Variants in SCN1A observed in about 807,000 individuals in gnomAD.
SCN1A encodes sodium voltage-gated channel alpha subunit 1.
SCN1A carries 13 observed loss-of-function variants against 193.7 expected under a neutral mutation model. The ratio of observed to expected loss-of-function variants is 0.07; its 90% CI spans 0.04 to 0.11. SCN1A has a LOEUF of 0.11. Among genes scored for constraint, SCN1A ranks in the 10% least tolerant of loss-of-function variants. The probability of loss-of-function intolerance (pLI) is 1.00; values close to 1 mark genes in which losing one functional copy is unlikely to be tolerated. For synonymous variants in SCN1A, 781 were observed against 843.6 expected (o/e 0.93, Z 1.29); for missense variants, 1,432 against 2,451.1 (o/e 0.58, Z 8.78).
chr2:166,120,156 T>TA (rs1379565434), intron 2 of SCN1A, among the ~76,000 whole-genome samples: 1 of 142,756 alleles, frequency 7.0e-6, no homozygotes, highest in Non-Finnish European at 1.6e-5. Context: ...ATATTCTATT[T>TA]AAATTTTTTT....
intron 19 of SCN1A, among the ~76,000 whole-genome samples, chr2:166,030,079 AC>A (rs1695350402): frequency 6.6e-6 from 1 of 152,212 alleles, no homozygotes; most frequent in African/African-American, 2.4e-5. Context: ...TGACACCTGT[AC>A]CTAGTTCTTC....
chr2:166,012,664 G>A (rs1692684031), intron 21 of SCN1A, among the ~76,000 whole-genome samples: 1 of 117,584 alleles, frequency 8.5e-6, no homozygotes, highest in Non-Finnish European at 1.7e-5. Flanking sequence ...AAGAAATAAT[G>A]AAAGCTTGTG....
chr2:166,021,381 CAAAAT>C (rs752404795), intron 19 of SCN1A, among the ~76,000 whole-genome samples: 3 of 151,928 alleles, frequency 2.0e-5, no homozygotes, highest in Admixed American at 6.6e-5. Context: ...GAAAAACAAA[CAAAAT>C]AAAATAAGTT....
At chr2:166,027,876 A>G (rs1016119912) in intron 19 of SCN1A, among the ~76,000 whole-genome samples, 2 of 152,120 alleles carry the variant, frequency 1.3e-5, no homozygotes, top group Non-Finnish European at 2.9e-5. Flanking sequence ...AAAGACTCTC[A>G]ACAAAGGAAA....
Position 166,045,113 on chromosome 2 carries a change from C to T in SCN1A, c.1592G>A (p.Arg531Lys). ...QKSESEDSIR[R>K]KGFRFSIEGN... is the part of the protein sequence containing the mutation. Reference sequence around the variant, plus strand: ...TTCAATGGAGAAGCGAAAACCTTTCCTCCTGATGCTGTCCTCAGATTCAGA... The same window carrying T: ...TTCAATGGAGAAGCGAAAACCTTTCTTCCTGATGCTGTCCTCAGATTCAGA... Residue 531 changes from arginine to lysine, a missense_variant, in exon 13 of 29, where the codon AGG (arginine) becomes AAG (lysine). Around this residue, in one of 18 missense-constraint regions of SCN1A, gnomAD observed 316 missense variants for 362.1 expected, o/e 0.87. Transcript: ENST00000674923. 1 of 1,614,186 alleles carries T rather than the reference C, an allele frequency of 6.2e-7. No individual in the cohort carries two copies. The highest frequency in any genetic ancestry group is 8.5e-7 in the Non-Finnish European group (1 of 1,180,030).
intron 19 of SCN1A, among the ~76,000 whole-genome samples, chr2:166,033,166 T>C (rs1409832908): frequency 2.6e-5 from 4 of 152,164 alleles, no homozygotes; most frequent in Non-Finnish European, 4.4e-5. Context: ...CTATGCCTTA[T>C]ATCTCTGGGA....
At chr2:166,057,524 T>C (rs1169306773) in intron 5 of SCN1A, among the ~76,000 whole-genome samples, 2 of 151,978 alleles carry the variant, frequency 1.3e-5, no homozygotes, top group Non-Finnish European at 2.9e-5. Context: ...AAACAAAAAT[T>C]TTCCATAATT....
chr2:166,144,462 A>AGT, intron 1 of SCN1A, among the ~76,000 whole-genome samples: 1 of 152,340 alleles, frequency 6.6e-6, no homozygotes. Context: ...GTGATAGAAC[A>AGT]CATGTGACTA....
Position 166,038,060 on chromosome 2 carries a change from C to T in SCN1A, c.2662G>A (p.Gly888Arg). 6.2e-7 allele frequency: 1 copy of T among 1,614,148 alleles called. No individual in the cohort carries two copies. The change falls in exon 18 of 29, where the codon GGG becomes AGG. Residue 888 changes from glycine (G) to arginine (R), a missense_variant. This residue lies in a region of SCN1A where 93 missense variants were observed against 260.4 expected (regional missense o/e 0.36). Transcript: ENST00000674923. The stretch of plus-strand genomic sequence containing the variant: ...ACGAGGGTTAAATTTCCCAGAGCCC[C>T]CACGGAATTGCCGATGATCTTTATT... The part of the protein sequence containing the change: ...MLIKIIGNSV[G>R]ALGNLTLVLA...
At chr2:166,145,810 G>A (rs1312422961) in intron 1 of SCN1A, among the ~76,000 whole-genome samples, 1 of 152,054 alleles carries the variant, frequency 6.6e-6, no homozygotes, top group Non-Finnish European at 1.5e-5. Flanking sequence ...TCTATGTATG[G>A]TGAATGGTTC....
intron 4 of SCN1A, among the ~76,000 whole-genome samples, chr2:166,065,134 G>C (rs1380904205): frequency 6.6e-6 from 1 of 152,154 alleles, no homozygotes; most frequent in African/African-American, 2.4e-5. Context: ...ATCACTATGT[G>C]TAAGAAAGTG....
chr2:166,086,153 C>G (rs12463754), intron 2 of SCN1A, among the ~76,000 whole-genome samples: 42,179 of 151,874 alleles, frequency 0.28, 6,012 homozygotes, highest in Middle Eastern at 0.54. Context: ...GGGAGTCAGA[C>G]ATACCTCCTT....
intron 2 of SCN1A, among the ~76,000 whole-genome samples, chr2:166,110,180 T>A (rs923033408): frequency 5.0e-4 from 75 of 150,274 alleles, no homozygotes; most frequent in Admixed American, 2.3e-3. Context: ...ATAAAAAAAA[T>A]TTTTTTTTAA....
chr2:166,099,787 T>C (rs1574489917), intron 2 of SCN1A, among the ~76,000 whole-genome samples: 2 of 28,864 alleles, frequency 6.9e-5, no homozygotes, highest in Non-Finnish European at 1.4e-4. Context: ...ATAAAATACC[T>C]AGGAATCCAA....
chr2:165,990,936 C>T lies in SCN1A; in HGVS notation c.*309G>A, dbSNP rs1171938940. ...ACTAAAGTGTTTCATGTTAAACAACCCCAAAATCACAGGTTTGCACCCCTT... is the reference window on the plus strand; with the variant it reads ...ACTAAAGTGTTTCATGTTAAACAACTCCAAAATCACAGGTTTGCACCCCTT... On this transcript the variant is annotated 3_prime_UTR_variant, in exon 29 of 29. Transcript: ENST00000674923. 9.5e-6 allele frequency: 3 copies of T among 316,448 alleles called. No homozygotes were observed. The highest frequency in any genetic ancestry group is 1.8e-5 in the Non-Finnish European group (3 of 171,020). 19.6% of individuals were successfully genotyped at this position (316,448 alleles called of 1,614,324 possible).
At chr2:166,143,858 G>A (rs918786593) in intron 1 of SCN1A, among the ~76,000 whole-genome samples, 3 of 152,138 alleles carry the variant, frequency 2.0e-5, no homozygotes, top group African/African-American at 7.2e-5. Flanking sequence ...GATCATTCAC[G>A]TTCATCTTGA....
chr2:166,004,425 A>AT (rs1250118781), intron 23 of SCN1A, among the ~76,000 whole-genome samples: 1 of 151,278 alleles, frequency 6.6e-6, no homozygotes, highest in Non-Finnish European at 1.5e-5. Flanking sequence ...CCTGTCTCAC[A>AT]TTTTTTCTTT....
At position 166,051,893 on chromosome 2, in the gene SCN1A, T is replaced by C; in HGVS notation, c.790A>G (p.Ile264Val). The C allele has an allele frequency of 6.2e-7, 1 of 1,612,600 alleles. No homozygotes were observed. Among genetic ancestry groups the C allele is most frequent in the Non-Finnish European group, 8.5e-7 (1 of 1,179,034 alleles). The change falls in exon 9 of 29, where the codon ATT becomes GTT. Residue 264 changes from isoleucine to valine, a missense_variant. Around this residue, in one of 18 missense-constraint regions of SCN1A, gnomAD observed 123 missense variants for 282.8 expected, o/e 0.43. Transcript: ENST00000674923. ...TVFCLSVFAL[I>V]GLQLFMGNLR... ...TTGCCCATGAACAGCTGCAGCCCAATTAGAGCAAATACGCTCAGACAGAAC... is the reference window on the plus strand; with the variant it reads ...TTGCCCATGAACAGCTGCAGCCCAACTAGAGCAAATACGCTCAGACAGAAC...
chr2:166,027,885 AAATAT>A (rs1184781602), intron 19 of SCN1A, among the ~76,000 whole-genome samples: 1 of 152,104 alleles, frequency 6.6e-6, no homozygotes, highest in Non-Finnish European at 1.5e-5. Flanking sequence ...CAACAAAGGA[AAATAT>A]AATATCAATG....
Sources: allele counts gnomAD v4.1 joint callset (sites outside exome capture counted in the v4.1 genomes callset), GRCh38; gene constraint gnomAD v4.1.1; regional missense constraint gnomAD v4.1.1; transcripts MANE v1.5; gene names NCBI Gene and HGNC (gene_info 2026-07-23, HGNC 2026-07-21).